Variants in ZGPAT observed in about 807,000 individuals in gnomAD.
ZGPAT encodes the protein zinc finger CCCH-type and G-patch domain containing, also known as zinc finger CCCH-type with G patch domain-containing protein.
Under a neutral mutation model 47.9 loss-of-function variants are expected in ZGPAT, and 39 were observed. The ratio of observed to expected loss-of-function variants is 0.81; its 90% CI spans 0.63 to 1.06. The LOEUF is 1.06. Ranked by LOEUF, ZGPAT falls within the 50% of genes least tolerant of loss-of-function variation. ZGPAT has a pLI of 0.00. For synonymous variants in ZGPAT, 348 were observed against 292.9 expected (o/e 1.19, Z -1.92); for missense variants, 717 against 681.4 (o/e 1.05, Z -0.58).
intron 2 of ZGPAT, 85 bp downstream of exon 2, chr20:63,709,249 C>A: frequency 6.7e-7 from 1 of 1,499,228 alleles, no homozygotes; most frequent in South Asian, 1.1e-5. Context: ...CCTCCCTTTG[C>A]TTTGCAGTTT....
intron 2 of ZGPAT, among the ~76,000 whole-genome samples, chr20:63,726,515 TTTTG>T (rs56397565): frequency 1.1e-4 from 16 of 146,882 alleles, no homozygotes; most frequent in East Asian, 2.0e-4. Context: ...TTAATAGGCT[TTTTG>T]TTTGTTTGTT....
chr20:63,732,344 A>ATGTGTCAG (rs2091916598), intron 2 of ZGPAT, among the ~76,000 whole-genome samples: 1 of 133,776 alleles, frequency 7.5e-6, no homozygotes, highest in African/African-American at 2.9e-5. Flanking sequence ...TGTGTGGGTG[A>ATGTGTCAG]GGTGTGTGTG....
chr20:63,728,682 A>G (rs1047423333), intron 2 of ZGPAT, among the ~76,000 whole-genome samples: 4 of 152,190 alleles, frequency 2.6e-5, no homozygotes, highest in African/African-American at 9.7e-5. Context: ...CACAGCCCCA[A>G]ATGATCAGGG....
intron 2 of ZGPAT, among the ~76,000 whole-genome samples, chr20:63,723,381 TTCTCC>T: frequency 7.6e-6 from 1 of 132,328 alleles, no homozygotes; most frequent in Non-Finnish European, 1.6e-5. Flanking sequence ...CCATCCTCCC[TTCTCC>T]TATGACACAG....
chr20:63,731,770 G>T (rs983857117), intron 2 of ZGPAT, among the ~76,000 whole-genome samples: 1 of 152,178 alleles, frequency 6.6e-6, no homozygotes, highest in Non-Finnish European at 1.5e-5. Flanking sequence ...GTATCTGCAG[G>T]TTCCATATCC....
Position 63,708,745 on chromosome 20 carries a change from G to A in ZGPAT, c.165G>A (p.Val55=), listed in dbSNP as rs1176857963. The A allele has an allele frequency of 1.2e-6, 2 of 1,612,622 alleles. No individual in the cohort carries two copies. Among genetic ancestry groups the A allele is most frequent in the East Asian group, 2.2e-5 (1 of 44,870 alleles). ...TCGAGCTCACCGAGGCCAGCCTGGT[G>A]TCTGTCAGGAAGAGCAGCTTGTTGG... ...ELIELTEASL[V]SVRKSSLLAA... Residue 55 remains valine (V), a synonymous_variant, in exon 2 of 7, where the codon GTG becomes GTA. Transcript: ENST00000355969.
At chr20:63,708,426 C>A (rs918994466) in intron 1 of ZGPAT, 127 bp from the exon 2 acceptor site, 1 of 661,620 alleles carries the variant, frequency 1.5e-6, no homozygotes, top group Admixed American at 3.3e-5. Context: ...GCGACCTCTG[C>A]GCTGGGAGCT....
At chr20:63,712,950 T>A (rs1446038684) in intron 2 of ZGPAT, among the ~76,000 whole-genome samples, 2 of 152,160 alleles carry the variant, frequency 1.3e-5, no homozygotes, top group Non-Finnish European at 2.9e-5. Flanking sequence ...AATTCATGAA[T>A]GAAGGATCTG....
intron 2 of ZGPAT, among the ~76,000 whole-genome samples, chr20:63,732,344 AGGTGT>A (rs759282296): frequency 7.5e-5 from 10 of 133,772 alleles, no homozygotes; most frequent in African/African-American, 1.4e-4. Flanking sequence ...TGTGTGGGTG[AGGTGT>A]GTGTGTGCAT....
chr20:63,709,471 C>T (rs1395716402), intron 2 of ZGPAT, among the ~76,000 whole-genome samples: 1 of 152,080 alleles, frequency 6.6e-6, no homozygotes, highest in African/African-American at 2.4e-5. Context: ...AACCCCATCT[C>T]CTTAAAAACA....
At chr20:63,716,573 G>A (rs1441748516) in intron 2 of ZGPAT, among the ~76,000 whole-genome samples, 1 of 151,670 alleles carries the variant, frequency 6.6e-6, no homozygotes. Context: ...GAGTGCAGTG[G>A]CATGATCTTG....
At chr20:63,711,880 C>T (rs1463424570) in intron 2 of ZGPAT, among the ~76,000 whole-genome samples, 7 of 152,336 alleles carry the variant, frequency 4.6e-5, no homozygotes, top group South Asian at 2.1e-4. Context: ...CCACCACACC[C>T]GGCCCAGGAT....
At chr20:63,713,130 G>C (rs2091688070) in intron 2 of ZGPAT, among the ~76,000 whole-genome samples, 1 of 151,304 alleles carries the variant, frequency 6.6e-6, no homozygotes, top group African/African-American at 2.4e-5. Context: ...GGAGTGCAAT[G>C]GCACAATCTT....
chr20:63,730,686 G>A (rs546455886), intron 2 of ZGPAT, among the ~76,000 whole-genome samples: 79 of 152,222 alleles, frequency 5.2e-4, no homozygotes, highest in Admixed American at 2.0e-3. Context: ...GTTTCTCCAT[G>A]TTGGCCAAGC....
At chr20:63,726,860 C>A (rs1474165066) in intron 2 of ZGPAT, among the ~76,000 whole-genome samples, 1 of 152,126 alleles carries the variant, frequency 6.6e-6, no homozygotes, top group Non-Finnish European at 1.5e-5. Flanking sequence ...TTTAGGTTCA[C>A]AACAAAATTG....
At chr20:63,727,310 G>A (rs1417422501) in intron 2 of ZGPAT, among the ~76,000 whole-genome samples, 6 of 149,156 alleles carry the variant, frequency 4.0e-5, no homozygotes, top group African/African-American at 1.2e-4. Flanking sequence ...GTGCCATCTC[G>A]GCTCACTGCA....
chr20:63,734,576 C>T, intron 4 of ZGPAT, 129 bp from the exon 5 acceptor site: 1 of 1,513,618 alleles, frequency 6.6e-7, no homozygotes, highest in East Asian at 2.3e-5. Context: ...GCTCATTGGT[C>T]AAAGCCCGGG....
chr20:63,729,793 G>C (rs150760019), intron 2 of ZGPAT, among the ~76,000 whole-genome samples: 1 of 152,080 alleles, frequency 6.6e-6, no homozygotes, highest in African/African-American at 2.4e-5. Flanking sequence ...CACTGAGGCG[G>C]AAGGATTACA....
At position 63,708,763 on chromosome 20, in the gene ZGPAT, C is replaced by G. The variant is rs1291212; in HGVS notation, c.183C>G (p.Ser61Arg). The change falls in exon 2 of 7, where the codon AGC becomes AGG. Residue 61 changes from serine to arginine, a missense_variant. By Grantham distance (110) the Ser-to-Arg change is moderately radical (BLOSUM62 -1). Transcript: ENST00000355969. ...GCCTGGTGTCTGTCAGGAAGAGCAG[C>G]TTGTTGGCCGCGCTGGACGAAGAGC... ...EASLVSVRKS[S>R]LLAALDEERP... 1,501,966 of 1,611,322 alleles carry G rather than the reference C, an allele frequency of 0.93. 700,525 individuals carry two copies. The highest frequency in any genetic ancestry group is 0.99 in the East Asian group (44,376 of 44,800).
Sources: gnomAD v4.1 joint callset for allele counts (sites outside exome capture counted in the v4.1 genomes callset) on GRCh38, gnomAD v4.1.1 for gene constraint, MANE v1.5 for transcripts, NCBI Gene and HGNC (gene_info 2026-07-23, HGNC 2026-07-21) for gene names.